The following MMP28 variants were observed in gnomAD, a reference collection of about 807,000 sequenced individuals.
MMP28 encodes matrix metallopeptidase 28, also known as matrix metalloproteinase-28.
A neutral mutation model predicts 60.5 loss-of-function variants in MMP28; 55 were observed. The ratio of observed to expected loss-of-function variants is 0.91; its 90% CI spans 0.73 to 1.14. The LOEUF (loss-of-function observed/expected upper bound fraction) is 1.14. Among genes scored for constraint, MMP28 ranks in the 50% most tolerant of loss-of-function variants. The pLI, the probability that MMP28 is intolerant of heterozygous loss-of-function variation, is 0.00. For synonymous variants in MMP28, 318 were observed against 312.5 expected, an observed-to-expected ratio of 1.02 and a Z score of -0.18; for missense variants, 686 against 738.3, an observed-to-expected ratio of 0.93 and a Z score of 0.82.
intron 1 of MMP28, among the ~76,000 whole-genome samples, chr17:35,794,108 C>G (rs1407043256): frequency 2.6e-5 from 4 of 151,726 alleles, no homozygotes; most frequent in Non-Finnish European, 1.5e-5. Context: ...AAAACAAAAA[C>G]AAAACAAAAC....
downstream of MMP28, among the ~76,000 whole-genome samples, chr17:35,762,930 G>C (rs1555601770): frequency 6.6e-6 from 1 of 152,098 alleles, no homozygotes; most frequent in African/African-American, 2.4e-5. Context: ...AGACCATCCT[G>C]GCAAACATGG....
At chr17:35,779,767 G>T (rs540352691) in intron 1 of MMP28, among the ~76,000 whole-genome samples, 12 of 152,258 alleles carry the variant, frequency 7.9e-5, no homozygotes, top group Non-Finnish European at 1.3e-4. Flanking sequence ...CCTTACAGGG[G>T]TTTTTTTGTG....
At chr17:35,777,381 T>G (rs1011477965) in intron 3 of MMP28, among the ~76,000 whole-genome samples, 5 of 152,178 alleles carry the variant, frequency 3.3e-5, no homozygotes, top group Non-Finnish European at 5.9e-5. Context: ...CATTGCTGAC[T>G]CCTTGCTTTA....
intron 3 of MMP28, 195 bp downstream of exon 3, chr17:35,778,693 A>T: frequency 1.6e-6 from 2 of 1,265,784 alleles, no homozygotes; most frequent in South Asian, 3.1e-5. Context: ...TCATCAATGT[A>T]GGTGTCATTC....
At chr17:35,769,952 A>T in intron 5 of MMP28, 115 bp downstream of exon 5, 1 of 1,337,090 alleles carries the variant, frequency 7.5e-7, no homozygotes, top group Non-Finnish European at 1.0e-6. Flanking sequence ...GGCGACAGGG[A>T]GGCCAGATCT....
chr17:35,783,217 G>C (rs1229747574), intron 1 of MMP28, among the ~76,000 whole-genome samples: 1 of 152,306 alleles, frequency 6.6e-6, no homozygotes, highest in Middle Eastern at 3.4e-3. Context: ...CTTATTCAGC[G>C]TTCTCAGAAG....
chr17:35,767,802 A>G lies in MMP28; in HGVS notation c.1118T>C (p.Ile373Thr), dbSNP rs1276145863. The stretch of plus-strand genomic sequence containing the variant: ...ATTCAATGACACTGCCGCAGCCTCA[A>G]TGTTGGGGGGCAGCCCGACCCATCT... ...QERWVGLPPNIEAAAVSLNDG... is the reference protein window; with the variant it reads ...QERWVGLPPNTEAAAVSLNDG... The change falls in exon 7 of 8, where the codon ATT becomes ACT. Residue 373 changes from isoleucine to threonine, a missense_variant. Ile to Thr is a moderately conservative substitution (Grantham distance 89, BLOSUM62 -1). Transcript: ENST00000605424. 2 of 1,601,958 alleles carry G rather than the reference A, an allele frequency of 1.2e-6. No homozygotes were observed. The highest frequency in any genetic ancestry group is 1.7e-6 in the Non-Finnish European group (2 of 1,174,536).
chr17:35,793,590 C>T (rs1355334212), intron 1 of MMP28, among the ~76,000 whole-genome samples: 1 of 152,104 alleles, frequency 6.6e-6, no homozygotes, highest in African/African-American at 2.4e-5. Context: ...TCCAAATATT[C>T]CCCAGTAGTG....
chr17:35,765,999 G>A lies in MMP28; in HGVS notation c.*501C>T, dbSNP rs2085926919. On this transcript the variant is annotated 3_prime_UTR_variant, in exon 8 of 8. Transcript: ENST00000605424. ...CCCACAAAGGGCCTCTGAGGTTGGA[G>A]ACGCCTGTGCCTTCATCCCCATCCA... is the stretch of plus-strand genomic sequence containing the variant. 3.0e-6 allele frequency: 3 copies of A among 985,336 alleles called. No individual in the cohort carries two copies. The highest frequency in any genetic ancestry group is 3.6e-6 in the Non-Finnish European group (3 of 829,950). The allele number at this position is 985,336 out of a possible 1,614,324, so 61.0% of individuals were successfully genotyped here.
intron 1 of MMP28, among the ~76,000 whole-genome samples, chr17:35,794,561 A>T (rs1352089841): frequency 1.2e-4 from 19 of 152,046 alleles, no homozygotes; most frequent in Admixed American, 1.2e-3. Flanking sequence ...TTTTATCTAG[A>T]AAATAGATGC....
At chr17:35,778,330 C>A (rs913863342) in intron 3 of MMP28, among the ~76,000 whole-genome samples, 2 of 151,632 alleles carry the variant, frequency 1.3e-5, no homozygotes, top group African/African-American at 4.9e-5. Flanking sequence ...TGCTAATGGG[C>A]ATGGGGTTTC....
chr17:35,764,917 C>T (rs1402357316), downstream of MMP28: 3 of 220,714 alleles, frequency 1.4e-5, no homozygotes, highest in Non-Finnish European at 2.7e-5. Flanking sequence ...TGACTCTGTC[C>T]GCTCACACAG....
At chr17:35,795,192 C>G in intron 1 of MMP28, 75 bp downstream of exon 1, 1 of 977,512 alleles carries the variant, frequency 1.0e-6, no homozygotes, top group Non-Finnish European at 1.4e-6. Flanking sequence ...CAGGGGACTG[C>G]CGGGTGGCCT....
Position 35,795,373 on chromosome 17 carries a change from A to G in MMP28, c.5T>C (p.Val2Ala), listed in dbSNP as rs554782960. 14 of 1,438,666 alleles carry G rather than the reference A, an allele frequency of 9.7e-6. No individual in the cohort carries two copies. The African/African-American group carries it at 1.3e-4, about 14-fold the overall frequency. 89.1% of individuals were successfully genotyped at this position (1,438,666 alleles called of 1,614,324 possible). The change falls in exon 1 of 8, where the codon GTC becomes GCC. Residue 2 changes from valine to alanine, a missense_variant. Val to Ala is a moderately conservative substitution (Grantham distance 64). Coordinates refer to ENST00000605424, the MANE Select transcript of MMP28 (RefSeq NM_024302.5). M[V>A]ARVGLLLRAL... ...GCGCAGCAGGAGGCCGACGCGCGCG[A>G]CCATCTCGCCGCCTCCGGTGCAGCC...
At chr17:35,795,200 C>T (rs1044923906) in intron 1 of MMP28, 67 bp downstream of exon 1, 2 of 1,119,602 alleles carry the variant, frequency 1.8e-6, no homozygotes, top group Admixed American at 3.8e-5. Context: ...TGCCGGGTGG[C>T]CTGACTGCCG....
At chr17:35,764,600 G>A, downstream of MMP28, 1 of 1,586,780 alleles carries the variant, frequency 6.3e-7, no homozygotes, top group Non-Finnish European at 8.5e-7. Flanking sequence ...GTAAGGCGGG[G>A]GCCGCTGGGA....
At chr17:35,761,405 C>T (rs1280340657), downstream of MMP28, among the ~76,000 whole-genome samples, 2 of 150,898 alleles carry the variant, frequency 1.3e-5, no homozygotes, top group Non-Finnish European at 3.0e-5. Flanking sequence ...GCCACTGTGC[C>T]TGGCCTGTTT....
In MMP28 at chr17:35,766,351, A is replaced by G; in HGVS notation, c.*149T>C. The G allele has an allele frequency of 7.0e-7, 1 of 1,422,816 alleles. No individual in the cohort carries two copies. Among genetic ancestry groups the G allele is most frequent in the Non-Finnish European group, 9.2e-7 (1 of 1,091,262 alleles). The allele number at this position is 1,422,816 out of a possible 1,614,324, so 88.1% of individuals were successfully genotyped here. A position where few individuals can be genotyped will look rare whatever the true frequency, so the allele number is the denominator to read the frequency against. ...AAGACAATGCTGCATTCTTCAAGGAACAAAGGCAGACAGACTTCCAGATGG... is the reference window on the plus strand; with the variant it reads ...AAGACAATGCTGCATTCTTCAAGGAGCAAAGGCAGACAGACTTCCAGATGG... On this transcript the variant is annotated 3_prime_UTR_variant, in exon 8 of 8. Transcript: ENST00000605424. The surrounding 1 kb of genome is among the most constrained non-coding windows in gnomAD (Gnocchi z 4.3).
chr17:35,763,598 T>C (rs1236864172), downstream of MMP28, among the ~76,000 whole-genome samples: 1 of 151,726 alleles, frequency 6.6e-6, no homozygotes, highest in Non-Finnish European at 1.5e-5. Flanking sequence ...AAAAAATTTT[T>C]TTGAAAAAGT....
Sources: allele counts gnomAD v4.1 joint callset (sites outside exome capture counted in the v4.1 genomes callset), GRCh38; gene constraint gnomAD v4.1.1; non-coding constraint Gnocchi (gnomAD v3.1); transcripts MANE v1.5; gene names NCBI Gene and HGNC (gene_info 2026-07-23, HGNC 2026-07-21).